Variants in GRIP1 observed in about 807,000 individuals in gnomAD.
The protein encoded by GRIP1 is glutamate receptor-interacting protein 1.
A neutral mutation model predicts 129.9 loss-of-function variants in GRIP1; 45 were observed. The observed-to-expected ratio is 0.35, with a 90% confidence interval of 0.27 to 0.44. The LOEUF is 0.44. Among genes scored for constraint, GRIP1 ranks in the 20% least tolerant of loss-of-function variants. The pLI is 1.00. For missense variants in GRIP1, 1,196 were observed against 1,396.8 expected (o/e 0.86, Z 2.29); for synonymous variants, 530 against 520.8 (o/e 1.02, Z -0.24).
At chr12:66,700,513 T>C (rs987497610) in intron 1 of GRIP1, among the ~76,000 whole-genome samples, 7 of 151,416 alleles carry the variant, frequency 4.6e-5, no homozygotes, top group Admixed American at 3.3e-4. Context: ...ACAGGCATCA[T>C]CACAGCTCAC....
At chr12:66,947,179 G>A (rs2041686067) in intron 1 of GRIP1, among the ~76,000 whole-genome samples, 1 of 152,132 alleles carries the variant, frequency 6.6e-6, no homozygotes. Flanking sequence ...TCATATAATG[G>A]CTGGAGCCTT....
intron 1 of GRIP1, among the ~76,000 whole-genome samples, chr12:66,732,830 C>A (rs749722260): frequency 7.9e-5 from 12 of 152,050 alleles, no homozygotes; most frequent in Non-Finnish European, 1.5e-4. Flanking sequence ...GAGGTCAGTG[C>A]CCCTAATCCC....
chr12:66,785,527 G>T (rs2038312923), intron 1 of GRIP1, among the ~76,000 whole-genome samples: 2 of 151,242 alleles, frequency 1.3e-5, no homozygotes, highest in Admixed American at 1.3e-4. Context: ...GAAAAAGGTT[G>T]AGGCGATGGA....
chr12:66,630,677 G>A (rs2030678408), intron 1 of GRIP1, among the ~76,000 whole-genome samples: 1 of 152,206 alleles, frequency 6.6e-6, no homozygotes, highest in African/African-American at 2.4e-5. Context: ...AGGGCAGTGA[G>A]CAGAGACTCA....
At chr12:66,735,765 C>T (rs542023853) in intron 1 of GRIP1, among the ~76,000 whole-genome samples, 11 of 152,174 alleles carry the variant, frequency 7.2e-5, no homozygotes, top group Non-Finnish European at 1.3e-4. Flanking sequence ...TCATAAGTGG[C>T]GGGACTTCCA....
At chr12:66,484,703 G>A (rs576391880) in intron 7 of GRIP1, among the ~76,000 whole-genome samples, 138 of 152,236 alleles carry the variant, frequency 9.1e-4, no homozygotes, top group African/African-American at 3.2e-3. Context: ...GTGAAAAGAG[G>A]TTGCTTAGTG....
chr12:66,904,604 C>A (rs12228305), intron 1 of GRIP1, among the ~76,000 whole-genome samples: 39,515 of 152,086 alleles, frequency 0.26, 5,555 homozygotes, highest in East Asian at 0.45. Context: ...TTAAAATGTT[C>A]AGATTGGGCT....
chr12:66,675,229 C>T (rs1287624233), intron 1 of GRIP1, among the ~76,000 whole-genome samples: 1 of 152,046 alleles, frequency 6.6e-6, no homozygotes, highest in Non-Finnish European at 1.5e-5. Flanking sequence ...ATGAAAGGTG[C>T]CCAGAGCCGT....
intron 1 of GRIP1, among the ~76,000 whole-genome samples, chr12:66,855,993 G>A (rs1044639210): frequency 6.6e-6 from 1 of 150,840 alleles, no homozygotes; most frequent in African/African-American, 2.4e-5. Context: ...TTAAAAAAAA[G>A]GGATAGTTGA....
Position 66,941,067 on chromosome 12 carries a change from T to C in GRIP1, c.58+127983A>G, listed in dbSNP as rs1017488170. ...AATGCTAAACACAATCTCCAATGAA[T>C]AGGGCATTTGATGAATGTGCAGGAA... On this transcript the variant is annotated intron_variant, in intron 1 of 1. Coordinates refer to the GRIP1 transcript ENST00000643019. 1.1e-4 allele frequency among the ~76,000 whole-genome samples: 16 copies of C among 152,170 alleles called. No individual in the cohort carries two copies. In the South Asian group the frequency reaches 3.3e-3, roughly 32 times the overall value.
chr12:66,733,749 T>C (rs1440659091), intron 1 of GRIP1, among the ~76,000 whole-genome samples: 2 of 152,158 alleles, frequency 1.3e-5, no homozygotes, highest in African/African-American at 4.8e-5. Context: ...ATCAGTAAAA[T>C]AGGAATAAAA....
chr12:66,486,856 T>A (rs1592414251), intron 7 of GRIP1, among the ~76,000 whole-genome samples: 1 of 152,096 alleles, frequency 6.6e-6, no homozygotes. Context: ...AGTGGTATGA[T>A]CATAGCTCAC....
intron 23 of GRIP1, among the ~76,000 whole-genome samples, chr12:66,368,289 C>T (rs965810871): frequency 6.6e-5 from 10 of 152,130 alleles, no homozygotes; most frequent in African/African-American, 1.4e-4. Flanking sequence ...CTTGTCCATT[C>T]GTTCATATTA....
chr12:66,519,766 T>G (rs1346324578), intron 5 of GRIP1, among the ~76,000 whole-genome samples: 1 of 152,196 alleles, frequency 6.6e-6, no homozygotes, highest in Non-Finnish European at 1.5e-5. Flanking sequence ...AGGGCCACAG[T>G]GCAGACCAAA....
At chr12:66,895,188 T>C (rs926835649) in intron 1 of GRIP1, among the ~76,000 whole-genome samples, 8 of 152,324 alleles carry the variant, frequency 5.3e-5, no homozygotes, top group Admixed American at 4.6e-4. Context: ...AAATCTCATC[T>C]TGAATTGTAG....
chr12:66,732,773 A>T (rs2036479916), intron 1 of GRIP1, among the ~76,000 whole-genome samples: 1 of 152,140 alleles, frequency 6.6e-6, no homozygotes, highest in Non-Finnish European at 1.5e-5. Context: ...TTAGCAGTTA[A>T]GTTTTTAGGG....
chr12:66,687,099 A>C (rs569936405), intron 1 of GRIP1, among the ~76,000 whole-genome samples: 1 of 152,114 alleles, frequency 6.6e-6, no homozygotes, highest in Non-Finnish European at 1.5e-5. Flanking sequence ...AAACAAAAAC[A>C]AAAACCACTA....
chr12:66,379,065 T>A (rs1458817046), intron 20 of GRIP1, among the ~76,000 whole-genome samples: 1 of 152,244 alleles, frequency 6.6e-6, no homozygotes, highest in Admixed American at 6.5e-5. Flanking sequence ...CTGTTTTCGT[T>A]AGGGGAAACC....
At position 66,928,506 on chromosome 12, in the gene GRIP1, C is replaced by T. The variant is rs1347093287; in HGVS notation, c.58+140544G>A. On this transcript the variant is annotated intron_variant, in intron 1 of 1. Coordinates refer to the GRIP1 transcript ENST00000643019. ...ATTAAAAGCAACATAAAATAATCTA[C>T]TTTGGACAATTCATTCATTCATTTA... Among the ~76,000 whole-genome samples the T allele has an allele frequency of 5.3e-5, 8 of 151,418 alleles. No homozygotes were observed. The East Asian group carries it at 1.6e-3, about 29-fold the overall frequency.
Sources: gnomAD v4.1 joint callset for allele counts (sites outside exome capture counted in the v4.1 genomes callset) on GRCh38, gnomAD v4.1.1 for gene constraint, MANE v1.5 for transcripts, NCBI Gene and HGNC (gene_info 2026-07-23, HGNC 2026-07-21) for gene names.